ERAP1: variants seen among roughly 807,000 people sequenced by gnomAD.
The protein encoded by ERAP1 is adipocyte-derived leucine aminopeptidase.
ERAP1 carries 86 observed loss-of-function variants against 103.7 expected under a neutral mutation model. That is an observed-to-expected ratio of 0.83 (90% CI 0.70 to 0.99). The LOEUF (loss-of-function observed/expected upper bound fraction) is 0.99. Ranked by LOEUF, ERAP1 falls within the 50% of genes least tolerant of loss-of-function variation. The pLI is 0.00. For missense variants in ERAP1, 1,009 were observed against 1,128.4 expected (o/e 0.89, Z 1.52); for synonymous variants, 398 against 402.4 (o/e 0.99, Z 0.13).
At chr5:96,886,041 G>C in the ERAP1 span, among the ~76,000 whole-genome samples, 4 of 152,348 alleles carry the variant, frequency 2.6e-5, no homozygotes, top group East Asian at 7.7e-4. Context: ...GCAAGTGAGA[G>C]AATGAGCATC....
chr5:96,854,493 G>A, the ERAP1 span, among the ~76,000 whole-genome samples: 4 of 151,756 alleles, frequency 2.6e-5, no homozygotes, highest in African/African-American at 7.3e-5. Flanking sequence ...TTTTATTTTT[G>A]TCTTATTTGT....
intron 1 of ERAP1, chr5:96,805,742 T>C (rs966408543): frequency 6.6e-6 from 1 of 152,374 alleles, no homozygotes; most frequent in African/African-American, 2.4e-5. Flanking sequence ...TTGCTTTCCA[T>C]ATGGAATTAC....
chr5:96,933,179 T>A, the ERAP1 span, among the ~76,000 whole-genome samples: 1 of 151,952 alleles, frequency 6.6e-6, no homozygotes, highest in East Asian at 1.9e-4. Flanking sequence ...TTTCGTTTGT[T>A]TACTATTTTT....
chr5:96,797,501 C>CA (rs1274632076), intron 3 of ERAP1, among the ~76,000 whole-genome samples, 192 bp from the exon 4 acceptor site: 22 of 151,808 alleles, frequency 1.4e-4, no homozygotes, highest in African/African-American at 4.8e-4. Context: ...CCTATCTCTA[C>CA]AAAAAAAATA....
chr5:96,775,395 G>C lies in ERAP1; in HGVS notation c.*1001C>G. On this transcript the variant is annotated 3_prime_UTR_variant, in exon 19 of 19. Transcript: ENST00000443439. ...GTCAGTAAATGCCAATAACTAGTTA[G>C]TTAGAAATTGTAAAGTAGGCCAAAT... The C allele has an allele frequency of 1.0e-6, 1 of 985,286 alleles. No individual in the cohort carries two copies. The highest frequency in any genetic ancestry group is 1.2e-6 in the Non-Finnish European group (1 of 829,758). The allele number at this position is 985,286 out of a possible 1,614,324, so 61.0% of individuals were successfully genotyped here.
the ERAP1 span, among the ~76,000 whole-genome samples, chr5:96,885,308 C>T: frequency 5.3e-5 from 8 of 152,286 alleles, no homozygotes; most frequent in African/African-American, 1.7e-4. Flanking sequence ...AAGACAGCAC[C>T]TCCTCTGCTG....
chr5:96,780,453 ATTTGT>A lies in ERAP1; in HGVS notation c.2635_2639del (p.Thr879SerfsTer9). ...CAAGCCGTGTTCTTGTGGAGAATTG[ATTTGT>A]TGTACCCATTACCATGTGGGCTATG... On this transcript the variant is annotated frameshift_variant, in exon 18 of 19. Transcript: ENST00000443439. LOFTEE classifies it high-confidence loss of function. 6.2e-7 allele frequency: 1 copy of A among 1,612,060 alleles called. No homozygotes were observed. Among genetic ancestry groups the A allele is most frequent in the Non-Finnish European group, 8.5e-7 (1 of 1,179,138 alleles).
the ERAP1 span, among the ~76,000 whole-genome samples, chr5:96,882,648 G>C: frequency 6.6e-6 from 1 of 152,096 alleles, no homozygotes. Flanking sequence ...TTTCAATGTA[G>C]ACTTGTTACA....
the ERAP1 span, among the ~76,000 whole-genome samples, chr5:96,924,404 C>T: frequency 3.9e-5 from 6 of 152,130 alleles, no homozygotes; most frequent in African/African-American, 1.4e-4. Flanking sequence ...ATTTTCAGCA[C>T]AAATATTATA....
intron 19 of ERAP1, chr5:96,767,451 A>T: frequency 1.2e-6 from 2 of 1,612,684 alleles, no homozygotes; most frequent in Non-Finnish European, 1.7e-6. Context: ...AAACCAGTGA[A>T]GCCACCTACA....
chr5:96,825,057 T>A, the ERAP1 span, among the ~76,000 whole-genome samples: 37,283 of 152,028 alleles, frequency 0.25, 4,855 homozygotes, highest in Admixed American at 0.3. Context: ...ATAAATAAAT[T>A]AATTAATTAA....
the ERAP1 span, chr5:96,881,598 A>G: frequency 9.5e-6 from 4 of 421,822 alleles, no homozygotes; most frequent in South Asian, 5.2e-5. Context: ...TCATGCAACA[A>G]GAAGTCCAGA....
chr5:96,817,586 C>T, the ERAP1 span, among the ~76,000 whole-genome samples: 3 of 152,172 alleles, frequency 2.0e-5, no homozygotes, highest in Non-Finnish European at 4.4e-5. Flanking sequence ...CTTACATAAT[C>T]ATTGGGAAGG....
the ERAP1 span, among the ~76,000 whole-genome samples, chr5:96,842,502 T>C: frequency 2.6e-3 from 399 of 152,328 alleles, 6 homozygotes; most frequent in Admixed American, 0.022. Context: ...AAGGTGGTAT[T>C]GCATTGTGGT....
chr5:96,918,403 A>C, the ERAP1 span: 1 of 152,226 alleles, frequency 6.6e-6, no homozygotes, highest in Non-Finnish European at 1.5e-5. Flanking sequence ...GAAACCAGAG[A>C]CTTTGCCACC....
At chr5:96,880,237 C>T in the ERAP1 span, 2 of 1,612,562 alleles carry the variant, frequency 1.2e-6, no homozygotes, top group Non-Finnish European at 1.7e-6. Context: ...AAAGCACATA[C>T]AGAACTCTTG....
the ERAP1 span, among the ~76,000 whole-genome samples, chr5:96,815,414 A>G: frequency 0.044 from 6,153 of 141,176 alleles, 410 homozygotes; most frequent in African/African-American, 0.14. Flanking sequence ...TTTGTTTTTT[A>G]TTTTTTTTTT....
intron 3 of ERAP1, among the ~76,000 whole-genome samples, chr5:96,799,134 G>A (rs909529091): frequency 6.6e-6 from 1 of 151,710 alleles, no homozygotes; most frequent in African/African-American, 2.4e-5. Flanking sequence ...CCAAAGTGCC[G>A]AGATTACAGT....
At chr5:96,827,301 G>A in the ERAP1 span, among the ~76,000 whole-genome samples, 42 of 152,320 alleles carry the variant, frequency 2.8e-4, 1 homozygote, top group East Asian at 8.1e-3. Flanking sequence ...TAAAAAGTCA[G>A]TTGGGGGTAG....
Sources: gnomAD v4.1 joint callset for allele counts (sites outside exome capture counted in the v4.1 genomes callset) on GRCh38, gnomAD v4.1.1 for gene constraint, MANE v1.5 for transcripts, NCBI Gene and HGNC (gene_info 2026-07-23, HGNC 2026-07-21) for gene names.